NXPE2: variants seen among roughly 807,000 people sequenced by gnomAD.
NXPE2 encodes the protein neurexophilin and PC-esterase domain family member 2.
A neutral mutation model predicts 34.4 loss-of-function variants in NXPE2; 34 were observed. The ratio of observed to expected loss-of-function variants is 0.99; its 90% CI spans 0.75 to 1.31. NXPE2 has a LOEUF of 1.31. NXPE2 is among the 40% of genes most tolerant of loss of function. The probability of loss-of-function intolerance (pLI) is 0.00; values close to 1 mark genes in which losing one functional copy is unlikely to be tolerated. For missense variants in NXPE2, 649 were observed against 672.5 expected (o/e 0.97, Z 0.39); for synonymous variants, 235 against 231.3 (o/e 1.02, Z -0.15).
chr11:114,606,823 A>T, the NXPE2 span, among the ~76,000 whole-genome samples: 207 of 149,992 alleles, frequency 1.4e-3, no homozygotes, highest in Non-Finnish European at 2.4e-3. Flanking sequence ...ACTGTTACCC[A>T]GTCGATAATA....
In NXPE2 at chr11:114,698,443, C is replaced by A. The variant is rs1179887394; in HGVS notation, c.531C>A (p.Val177=). 6.2e-7 allele frequency: 1 copy of A among 1,613,826 alleles called. No individual in the cohort carries two copies. The highest frequency in any genetic ancestry group is 8.5e-7 in the Non-Finnish European group (1 of 1,179,914). The change falls in exon 3 of 6, where the codon GTC becomes GTA. Residue 177 remains valine (V), a synonymous_variant. Coordinates refer to ENST00000389586, the MANE Select transcript of NXPE2 (RefSeq NM_182495.6). ...VTDFNNGTYL[V]SFTLFWEGQV... is the part of the protein sequence containing the mutation. ...ACTTCAACAACGGCACCTACCTGGTCAGCTTCACTCTGTTCTGGGAGGGCC... is the reference window on the plus strand; with the variant it reads ...ACTTCAACAACGGCACCTACCTGGTAAGCTTCACTCTGTTCTGGGAGGGCC...
chr11:114,757,874 A>T, the NXPE2 span, among the ~76,000 whole-genome samples: 5 of 152,228 alleles, frequency 3.3e-5, no homozygotes, highest in African/African-American at 1.2e-4. Flanking sequence ...GTGACATTAA[A>T]TGAGTTCTCA....
the NXPE2 span, among the ~76,000 whole-genome samples, chr11:114,731,919 T>C: frequency 1.3e-5 from 2 of 152,228 alleles, no homozygotes; most frequent in Non-Finnish European, 1.5e-5. Context: ...TGTATATTTA[T>C]CCACAACTGC....
At chr11:114,767,304 T>C in the NXPE2 span, among the ~76,000 whole-genome samples, 1 of 152,172 alleles carries the variant, frequency 6.6e-6, no homozygotes, top group African/African-American at 2.4e-5. Flanking sequence ...ACTAGATTGA[T>C]ATTATCGTTA....
the NXPE2 span, among the ~76,000 whole-genome samples, chr11:114,486,466 G>A: frequency 6.6e-6 from 1 of 152,064 alleles, no homozygotes; most frequent in East Asian, 1.9e-4. Context: ...TCACTTTGTG[G>A]ATTGTTTCCT....
chr11:114,793,204 A>G, the NXPE2 span, among the ~76,000 whole-genome samples: 2 of 152,106 alleles, frequency 1.3e-5, no homozygotes, highest in Admixed American at 1.3e-4. Context: ...TTTTCCTCCT[A>G]TGTCTGCTTT....
At chr11:114,544,354 C>T in the NXPE2 span, among the ~76,000 whole-genome samples, 4 of 152,144 alleles carry the variant, frequency 2.6e-5, no homozygotes, top group Non-Finnish European at 5.9e-5. Flanking sequence ...GTTATCAAGA[C>T]AATGCAGTGT....
At chr11:114,715,120 A>G in the NXPE2 span, among the ~76,000 whole-genome samples, 1 of 152,202 alleles carries the variant, frequency 6.6e-6, no homozygotes, top group Non-Finnish European at 1.5e-5. Flanking sequence ...GATTATTTTG[A>G]TTATCAAGCC....
the NXPE2 span, among the ~76,000 whole-genome samples, chr11:114,761,192 C>G: frequency 6.6e-6 from 1 of 152,180 alleles, no homozygotes; most frequent in Non-Finnish European, 1.5e-5. Context: ...ACACCTACTG[C>G]CTTTCCTGCC....
rs772328021 is a variant in NXPE2, at chr11:114,698,308, T to C, written c.396T>C (p.Leu132=). The C allele has an allele frequency of 6.2e-7, 1 of 1,613,966 alleles. No homozygotes were observed. Among genetic ancestry groups the C allele is most frequent in the Non-Finnish European group, 8.5e-7 (1 of 1,179,928 alleles). ...GCAGGGGGGATCAGCTGGACATCCT[T>C]CTGGAGGTGAGGGACCACTTGGGAC... is the stretch of plus-strand genomic sequence containing the variant. ...TYCRGDQLDI[L]LEVRDHLGHR... The change falls in exon 3 of 6, where the codon CTT becomes CTC. Residue 132 remains leucine (L), a synonymous_variant. Transcript: ENST00000389586.
chr11:114,540,330 C>T, the NXPE2 span, among the ~76,000 whole-genome samples: 1 of 152,196 alleles, frequency 6.6e-6, no homozygotes, highest in Non-Finnish European at 1.5e-5. Flanking sequence ...ATGCAATTCT[C>T]AGACATCATG....
At chr11:114,681,797 T>C (rs549049448) in intron 2 of NXPE2, among the ~76,000 whole-genome samples, 56 of 152,294 alleles carry the variant, frequency 3.7e-4, no homozygotes, top group Non-Finnish European at 6.5e-4. Context: ...CCATTTTATA[T>C]TTGACAATGC....
chr11:114,776,174 C>A, the NXPE2 span, among the ~76,000 whole-genome samples: 300 of 152,384 alleles, frequency 2.0e-3, no homozygotes, highest in African/African-American at 6.9e-3. Context: ...GCACAGCAGC[C>A]TCAGGGATTA....
At chr11:114,776,064 G>A in the NXPE2 span, among the ~76,000 whole-genome samples, 3 of 152,176 alleles carry the variant, frequency 2.0e-5, no homozygotes, top group Non-Finnish European at 4.4e-5. Context: ...CTCTCCATGG[G>A]AGGACCTGGG....
At chr11:114,792,057 C>CA in the NXPE2 span, among the ~76,000 whole-genome samples, 16 of 150,986 alleles carry the variant, frequency 1.1e-4, no homozygotes, top group East Asian at 3.9e-4. Flanking sequence ...GACTCCGTCT[C>CA]AAAAAAAAGA....
chr11:114,473,047 C>A, the NXPE2 span, among the ~76,000 whole-genome samples: 83 of 152,246 alleles, frequency 5.5e-4, no homozygotes, highest in Admixed American at 1.1e-3. Context: ...TGAATAATAA[C>A]AGACAACAAT....
At chr11:114,674,596 A>G (rs1336816982), upstream of NXPE2, among the ~76,000 whole-genome samples, 2 of 151,810 alleles carry the variant, frequency 1.3e-5, no homozygotes, top group African/African-American at 2.4e-5. Context: ...ATCAAATCAC[A>G]AAAGAAGACA....
chr11:114,509,243 A>AAAAC, the NXPE2 span, among the ~76,000 whole-genome samples: 3 of 152,082 alleles, frequency 2.0e-5, no homozygotes, highest in Admixed American at 1.3e-4. Flanking sequence ...ACAAAAAGTC[A>AAAAC]AAACAAACAA....
the NXPE2 span, among the ~76,000 whole-genome samples, chr11:114,732,272 T>C: frequency 2.6e-5 from 4 of 152,240 alleles, no homozygotes; most frequent in African/African-American, 9.6e-5. Flanking sequence ...ATCTGCTCTC[T>C]GACATTATAG....
Sources: gnomAD v4.1 joint callset for allele counts (sites outside exome capture counted in the v4.1 genomes callset) on GRCh38, gnomAD v4.1.1 for gene constraint, MANE v1.5 for transcripts, NCBI Gene and HGNC (gene_info 2026-07-23, HGNC 2026-07-21) for gene names.